KIRREL1: variants seen among roughly 807,000 people sequenced by gnomAD.
KIRREL1 encodes kirre like nephrin family adhesion molecule 1, also known as kin of IRRE-like protein 1.
KIRREL1 carries 25 observed loss-of-function variants against 83.3 expected under a neutral mutation model. The observed-to-expected ratio is 0.30, with a 90% CI of 0.22 to 0.42. The LOEUF is 0.42. Among genes scored for constraint, KIRREL1 ranks in the 10% least tolerant of loss-of-function variants. The pLI, the probability that KIRREL1 is intolerant of heterozygous loss-of-function variation, is 1.00. For missense variants in KIRREL1, 812 were observed against 1,032.3 expected (o/e 0.79, Z 2.92); for synonymous variants, 388 against 410.4 (o/e 0.95, Z 0.66).
chr1:158,086,895 T>G, intron 5 of KIRREL1, 149 bp downstream of exon 5: 4 of 758,662 alleles, frequency 5.3e-6, no homozygotes, highest in Non-Finnish European at 8.5e-6. Flanking sequence ...TTTCATTCCC[T>G]GGATTGAACC....
At chr1:158,023,982 C>G (rs1238267932) in intron 1 of KIRREL1, among the ~76,000 whole-genome samples, 1 of 152,136 alleles carries the variant, frequency 6.6e-6, no homozygotes, top group Non-Finnish European at 1.5e-5. Flanking sequence ...AAGTCTCGCT[C>G]TGTCACCCAG....
At chr1:157,996,081 A>T (rs1442381930) in intron 1 of KIRREL1, among the ~76,000 whole-genome samples, 1 of 135,688 alleles carries the variant, frequency 7.4e-6, no homozygotes, top group Non-Finnish European at 1.6e-5. Flanking sequence ...ATGGTGGGGG[A>T]ATAGGGATGG....
At chr1:158,071,900 G>T (rs1661526507) in intron 1 of KIRREL1, among the ~76,000 whole-genome samples, 3 of 152,068 alleles carry the variant, frequency 2.0e-5, no homozygotes, top group African/African-American at 7.2e-5. Flanking sequence ...ACACTCAAGG[G>T]CAAACCAACA....
chr1:158,053,077 A>G (rs1234910732), intron 1 of KIRREL1, among the ~76,000 whole-genome samples: 4 of 152,238 alleles, frequency 2.6e-5, no homozygotes, highest in East Asian at 3.9e-4. Flanking sequence ...CACTAGGCCT[A>G]CCTCCAACAA....
intron 1 of KIRREL1, among the ~76,000 whole-genome samples, chr1:158,048,121 C>A (rs1188427320): frequency 6.6e-6 from 1 of 152,138 alleles, no homozygotes; most frequent in Non-Finnish European, 1.5e-5. Context: ...ACTTTCTAGG[C>A]CAGCAGTCCC....
At chr1:158,021,207 G>T (rs1261378771) in intron 1 of KIRREL1, among the ~76,000 whole-genome samples, 1 of 152,000 alleles carries the variant, frequency 6.6e-6, no homozygotes, top group Non-Finnish European at 1.5e-5. Context: ...AAATCCTTTT[G>T]GTTGTTCTTC....
At chr1:158,093,257 G>A in intron 11 of KIRREL1, 82 bp from the exon 12 acceptor site, 2 of 1,162,764 alleles carry the variant, frequency 1.7e-6, no homozygotes, top group Admixed American at 1.7e-5. Context: ...CTGTGGCTGT[G>A]GCCTAGCCTT....
intron 1 of KIRREL1, among the ~76,000 whole-genome samples, chr1:158,039,233 A>T (rs1660559794): frequency 6.6e-6 from 1 of 152,240 alleles, no homozygotes; most frequent in Admixed American, 6.5e-5. Context: ...TGCTTGCCAT[A>T]GAATTGTCCA....
At chr1:158,062,573 G>A (rs779041751) in intron 1 of KIRREL1, among the ~76,000 whole-genome samples, 1 of 152,270 alleles carries the variant, frequency 6.6e-6, no homozygotes, top group African/African-American at 2.4e-5. Context: ...ACTCTAGCAT[G>A]TCCTGCTTAT....
intron 2 of KIRREL1, among the ~76,000 whole-genome samples, 185 bp from the exon 3 acceptor site, chr1:158,077,806 C>A (rs538679241): frequency 6.6e-6 from 1 of 152,322 alleles, no homozygotes; most frequent in African/African-American, 2.4e-5. Flanking sequence ...CCTGTCTGCT[C>A]CTCCAGCTGT....
chr1:158,024,677 T>G (rs1287666689), intron 1 of KIRREL1, among the ~76,000 whole-genome samples: 5 of 152,142 alleles, frequency 3.3e-5, no homozygotes, highest in African/African-American at 1.2e-4. Flanking sequence ...AACTGTAGAA[T>G]GCCATACCTG....
chr1:158,050,212 C>T lies in KIRREL1; in HGVS notation c.53-25901C>T, dbSNP rs377038274. Among the ~76,000 whole-genome samples the T allele has an allele frequency of 4.6e-5, 7 of 152,228 alleles. No individual in the cohort carries two copies. In the South Asian group the frequency reaches 1.5e-3, roughly 32 times the overall value. On this transcript the variant is annotated intron_variant, in intron 1 of 14. Coordinates refer to ENST00000359209, the MANE Select transcript of KIRREL1 (RefSeq NM_018240.7). ...CTGAAGTCCCAGGTGGCAGTACTGCCTCACCCCGACAGCCTCCTAGCGTGA... is the reference window on the plus strand; with the variant it reads ...CTGAAGTCCCAGGTGGCAGTACTGCTTCACCCCGACAGCCTCCTAGCGTGA...
intron 1 of KIRREL1, among the ~76,000 whole-genome samples, chr1:158,024,270 ATTTTTTTTTT>A (rs67318767): frequency 3.3e-4 from 23 of 70,010 alleles, no homozygotes; most frequent in African/African-American, 1.3e-3. Flanking sequence ...TTGTTGTTGT[ATTTTTTTTTT>A]TTTTTTTTTT....
chr1:158,002,323 G>A (rs1039272967), intron 1 of KIRREL1, among the ~76,000 whole-genome samples: 1 of 152,190 alleles, frequency 6.6e-6, no homozygotes, highest in Non-Finnish European at 1.5e-5. Flanking sequence ...GTCAAGGGGA[G>A]CCATCTGGTT....
At chr1:158,048,524 C>G (rs1660832338) in intron 1 of KIRREL1, among the ~76,000 whole-genome samples, 1 of 152,164 alleles carries the variant, frequency 6.6e-6, no homozygotes, top group Admixed American at 6.5e-5. Flanking sequence ...TAGATCTAGT[C>G]CTTGCCCACA....
At chr1:158,088,994 G>T (rs1403042609) in intron 8 of KIRREL1, among the ~76,000 whole-genome samples, 1 of 152,038 alleles carries the variant, frequency 6.6e-6, no homozygotes, top group South Asian at 2.1e-4. Context: ...GAAGCAGGGT[G>T]GGGTGGGAGG....
intron 1 of KIRREL1, among the ~76,000 whole-genome samples, chr1:158,022,561 C>G (rs1251836802): frequency 6.6e-6 from 1 of 152,170 alleles, no homozygotes; most frequent in African/African-American, 2.4e-5. Context: ...GAATTTACAT[C>G]TAGTGCCAAA....
At position 158,099,519 on chromosome 1, in the gene KIRREL1, G is replaced by T. The variant is rs1662436779; in HGVS notation, c.*4399G>T. 6.6e-6 allele frequency: 1 copy of T among 152,092 alleles called. No homozygotes were observed. Among genetic ancestry groups the T allele is most frequent in the African/African-American group, 2.4e-5 (1 of 41,376 alleles). The allele number at this position is 152,092 out of a possible 1,614,324, so 9.4% of individuals were successfully genotyped here. A position where few individuals can be genotyped will look rare whatever the true frequency, so the allele number is the denominator to read the frequency against. ...AGGGGGTGTGTGTGGGGGTTAGTGG[G>T]GAATCCCATTTTTTTGCATCACTGT... is the stretch of plus-strand genomic sequence containing the variant. On this transcript the variant is annotated 3_prime_UTR_variant, in exon 15 of 15. Transcript: ENST00000359209.
rs1662058612 is a variant in KIRREL1 at position 158,087,766 on chromosome 1, G to T, written c.673G>T (p.Val225Leu). The T allele has an allele frequency of 6.2e-7, 1 of 1,613,826 alleles. No individual in the cohort carries two copies. Among genetic ancestry groups the T allele is most frequent in the Non-Finnish European group, 8.5e-7 (1 of 1,179,822 alleles). ...GCTCTACTTTGCAGACCCTCCTACA[G>T]TGACCCTGTCCATTGAGCCACAGAC... ...IELDVHHPPT[V>L]TLSIEPQTVQ... Residue 225 changes from valine (V) to leucine (L), a missense_variant, in exon 6 of 15, where the codon GTG becomes TTG. Around this residue, in one of 3 missense-constraint regions of KIRREL1, gnomAD observed 472 missense variants for 626.8 expected, o/e 0.75. Coordinates refer to ENST00000359209, the MANE Select transcript of KIRREL1 (RefSeq NM_018240.7).
Sources: allele counts gnomAD v4.1 joint callset (sites outside exome capture counted in the v4.1 genomes callset), GRCh38; gene constraint gnomAD v4.1.1; regional missense constraint gnomAD v4.1.1; transcripts MANE v1.5; gene names NCBI Gene and HGNC (gene_info 2026-07-23, HGNC 2026-07-21).